Variants in WDR37 observed in about 807,000 individuals in gnomAD.
WDR37 encodes the protein WD repeat domain 37.
In WDR37, 19 loss-of-function variants were observed where a neutral mutation model predicts 62.9. The observed-to-expected ratio is 0.30, with a 90% CI of 0.21 to 0.44. The LOEUF (loss-of-function observed/expected upper bound fraction) is 0.44, where lower values mean the gene tolerates loss of function less well. WDR37 is among the 20% of genes least tolerant of loss of function. WDR37 has a pLI of 1.00. For synonymous variants in WDR37, 250 were observed against 260.9 expected (o/e 0.96, Z 0.40); for missense variants, 474 against 657.6 (o/e 0.72, Z 3.05).
At chr10:1,100,731 T>C (rs549188678) in intron 9 of WDR37, among the ~76,000 whole-genome samples, 11 of 152,328 alleles carry the variant, frequency 7.2e-5, no homozygotes, top group African/African-American at 2.6e-4. Context: ...TTCTTTTTCT[T>C]CTTTGAGGGG....
In WDR37 at chr10:1,056,736, G is replaced by C. The variant is rs1026109252; in HGVS notation, c.-273G>C. On this transcript the variant is annotated 5_prime_UTR_variant, in exon 1 of 14. Transcript: ENST00000263150. ...TGACTTCCGGCGCCGCCGGGTGTGG[G>C]GCGGAGGTGTGGGGCGGCTTCCGGA... 2 of 152,346 alleles carry C rather than the reference G, an allele frequency of 1.3e-5. No homozygotes were observed. The highest frequency in any genetic ancestry group is 4.8e-5 in the African/African-American group (2 of 41,448). 9.4% of individuals were successfully genotyped at this position (152,346 alleles called of 1,614,324 possible). A position where few individuals can be genotyped will look rare whatever the true frequency, so the allele number is the denominator to read the frequency against.
At chr10:1,082,584 T>C (rs770758875) in intron 5 of WDR37, among the ~76,000 whole-genome samples, 1 of 152,250 alleles carries the variant, frequency 6.6e-6, no homozygotes, top group Non-Finnish European at 1.5e-5. Context: ...TCTGCTGCTT[T>C]TCTGTTATGA....
At chr10:1,086,177 T>C (rs1834194725) in intron 6 of WDR37, 109 bp from the exon 7 acceptor site, 1 of 791,672 alleles carries the variant, frequency 1.3e-6, no homozygotes, top group Non-Finnish European at 2.1e-6. Context: ...GGAAGAGATA[T>C]CAGTGGTCGT....
At position 1,121,008 on chromosome 10, in the gene WDR37, G is replaced by A. The variant is rs976140870; in HGVS notation, c.1104-3210G>A. ...CACTGTCAGCTGGAGGAGCACGCTC[G>A]GCTGCCCCACACGACAAGATAAATG... On this transcript the variant is annotated intron_variant, in intron 11 of 13. Transcript: ENST00000263150. The surrounding 1 kb of genome is among the most constrained non-coding windows in gnomAD (Gnocchi z 4.5). Among the ~76,000 whole-genome samples, 2 of 152,126 alleles carry A rather than the reference G, an allele frequency of 1.3e-5. No homozygotes were observed. The highest frequency in any genetic ancestry group is 6.5e-5 in the Admixed American group (1 of 15,280).
Position 1,103,462 on chromosome 10 carries a change from C to A in WDR37, c.727-140C>A. On this transcript the variant is annotated intron_variant, in intron 9 of 13. Coordinates refer to ENST00000263150, the MANE Select transcript of WDR37 (RefSeq NM_014023.4). This position sits in a 1 kb window ranked among gnomAD's most constrained non-coding sequence, Gnocchi z 6.3. ...AGGACATACTCATCACTGTGGCCAG[C>A]ACCAGGCTCCTAGTGGTGACCATCA... The A allele has an allele frequency of 1.2e-6, 1 of 866,124 alleles. No homozygotes were observed. Among genetic ancestry groups the A allele is most frequent in the Non-Finnish European group, 1.8e-6 (1 of 559,482 alleles). The allele number at this position is 866,124 out of a possible 1,614,324, so 53.7% of individuals were successfully genotyped here. A position where few individuals can be genotyped will look rare whatever the true frequency, so the allele number is the denominator to read the frequency against.
At chr10:1,101,170 G>A (rs191433642) in intron 9 of WDR37, among the ~76,000 whole-genome samples, 73 of 152,236 alleles carry the variant, frequency 4.8e-4, no homozygotes, top group Admixed American at 6.5e-4. Flanking sequence ...TCTCCTGTCC[G>A]TCTCCCCCGT....
chr10:1,081,029 CTTG>C (rs1564500567), intron 5 of WDR37, among the ~76,000 whole-genome samples: 1 of 151,952 alleles, frequency 6.6e-6, no homozygotes, highest in East Asian at 1.9e-4. Flanking sequence ...TATAATTTCT[CTTG>C]TTAATTGGCT....
Position 1,131,839 on chromosome 10 carries a change from G to A in WDR37, c.*2495G>A, listed in dbSNP as rs949187521. The A allele has an allele frequency of 2.6e-5, 4 of 152,440 alleles. No individual in the cohort carries two copies. The highest frequency in any genetic ancestry group is 1.9e-4 in the East Asian group (1 of 5,198). 9.4% of individuals were successfully genotyped at this position (152,440 alleles called of 1,614,324 possible). On this transcript the variant is annotated 3_prime_UTR_variant, in exon 14 of 14. Coordinates refer to ENST00000263150, the MANE Select transcript of WDR37 (RefSeq NM_014023.4). ...TCCAGAATTTCATTTAATGATAGAC[G>A]GAAAATGTGTGGTTACTGAAAACTG... is the stretch of plus-strand genomic sequence containing the variant.
chr10:1,084,334 TTC>T (rs1242412559), intron 5 of WDR37, 67 bp from the exon 6 acceptor site: 5 of 1,571,870 alleles, frequency 3.2e-6, no homozygotes, highest in Non-Finnish European at 4.3e-6. Context: ...CTTTTTCGTT[TTC>T]TCTTTCTTGA....
At chr10:1,118,991 C>T (rs574476573) in intron 11 of WDR37, among the ~76,000 whole-genome samples, 133 of 152,222 alleles carry the variant, frequency 8.7e-4, no homozygotes, top group African/African-American at 3.1e-3. Context: ...AAACTGATAA[C>T]GTAGAAATGA....
chr10:1,057,576 T>C (rs571923217), intron 1 of WDR37, among the ~76,000 whole-genome samples: 2 of 152,062 alleles, frequency 1.3e-5, no homozygotes, highest in East Asian at 3.9e-4. Context: ...TTCCTTCCCT[T>C]CCCCCTGAAA....
rs1382964832 is a variant in WDR37 at position 1,130,221 on chromosome 10, C to G, written c.*877C>G. 6.5e-6 allele frequency: 1 copy of G among 152,680 alleles called. No individual in the cohort carries two copies. Among genetic ancestry groups the G allele is most frequent in the Non-Finnish European group, 1.5e-5 (1 of 68,058 alleles). The allele number at this position is 152,680 out of a possible 1,614,324, so 9.5% of individuals were successfully genotyped here. On this transcript the variant is annotated 3_prime_UTR_variant, in exon 14 of 14. Transcript: ENST00000263150. ...GGTTGTGTGCTTCCGAATGGGCTCA[C>G]TCCCGTGGTGGTGTTTGAGAGCCAA...
Position 1,113,057 on chromosome 10 carries a change from A to G in WDR37, c.1103+7790A>G, listed in dbSNP as rs569213450. Among the ~76,000 whole-genome samples the G allele has an allele frequency of 2.5e-3, 365 of 147,656 alleles. 2 individuals are homozygous for G. The highest frequency in any genetic ancestry group is 7.2e-3 in the South Asian group (32 of 4,436). ...AGAACTTTCCTAGCTAGAGAAGAGA[A>G]GTCACTGCCTGGCTTCGAAGGACAG... On this transcript the variant is annotated intron_variant, in intron 11 of 13. Coordinates refer to ENST00000263150, the MANE Select transcript of WDR37 (RefSeq NM_014023.4).
At chr10:1,059,325 G>A (rs1377584953) in intron 1 of WDR37, among the ~76,000 whole-genome samples, 1 of 152,176 alleles carries the variant, frequency 6.6e-6, no homozygotes, top group Non-Finnish European at 1.5e-5. Flanking sequence ...GCGGTTAGCC[G>A]AGATCACGCC....
Position 1,132,061 on chromosome 10 carries a change from C to G in WDR37, c.*2717C>G, listed in dbSNP as rs1835959332. The G allele has an allele frequency of 6.6e-6, 1 of 152,536 alleles. No individual in the cohort carries two copies. The highest frequency in any genetic ancestry group is 2.4e-5 in the African/African-American group (1 of 41,420). 9.4% of individuals were successfully genotyped at this position (152,536 alleles called of 1,614,324 possible). The stretch of plus-strand genomic sequence containing the variant: ...AAAATGTATGCATTTATAAGTGTTC[C>G]ATGGAATCAGTTTTTATTGTATCGA... On this transcript the variant is annotated 3_prime_UTR_variant, in exon 14 of 14. Coordinates refer to ENST00000263150, the MANE Select transcript of WDR37 (RefSeq NM_014023.4).
intron 7 of WDR37, among the ~76,000 whole-genome samples, chr10:1,088,547 A>T (rs1834277625): frequency 6.6e-6 from 1 of 152,116 alleles, no homozygotes; most frequent in Non-Finnish European, 1.5e-5. Flanking sequence ...CTCCCACAAC[A>T]TTTATTGAGT....
At chr10:1,122,063 G>T (rs369666233) in intron 11 of WDR37, among the ~76,000 whole-genome samples, 5 of 152,120 alleles carry the variant, frequency 3.3e-5, no homozygotes, top group African/African-American at 1.2e-4. Flanking sequence ...TTGTGACTGC[G>T]TGGTGCTTCT....
In WDR37 at chr10:1,065,990, A is replaced by G. The variant is rs1833526978; in HGVS notation, c.-40-6126A>G. On this transcript the variant is annotated intron_variant, in intron 1 of 13. Transcript: ENST00000263150. ...GGTTCAGCAAGAATGTACACGTTTA[A>G]TACATAAAATCCAGTTGTATTTATA... Among the ~76,000 whole-genome samples the G allele has an allele frequency of 2.0e-5, 3 of 149,304 alleles. No homozygotes were observed. In the South Asian group the frequency reaches 6.5e-4, roughly 32 times the overall value.
chr10:1,058,017 C>G (rs962589860), intron 1 of WDR37, among the ~76,000 whole-genome samples: 1 of 151,454 alleles, frequency 6.6e-6, no homozygotes, highest in Non-Finnish European at 1.5e-5. Context: ...TGGTTACTTT[C>G]CTGATCAAAT....
Sources: allele counts gnomAD v4.1 joint callset (sites outside exome capture counted in the v4.1 genomes callset), GRCh38; gene constraint gnomAD v4.1.1; non-coding constraint Gnocchi (gnomAD v3.1); transcripts MANE v1.5; gene names NCBI Gene and HGNC (gene_info 2026-07-23, HGNC 2026-07-21).